The following RHOJ variants were observed in gnomAD, a reference collection of about 807,000 sequenced individuals.
RHOJ encodes rho-related GTP-binding protein RhoJ.
In RHOJ, 11 loss-of-function variants were observed where a neutral mutation model predicts 23.4. The observed-to-expected ratio is 0.47, with a 90% CI of 0.30 to 0.78. The LOEUF (loss-of-function observed/expected upper bound fraction) is 0.78. RHOJ is among the 30% of genes least tolerant of loss of function. The pLI is 0.08. For missense variants in RHOJ, 254 were observed against 273.4 expected, an observed-to-expected ratio of 0.93 and a Z score of 0.50; for synonymous variants, 102 against 102.7, an observed-to-expected ratio of 0.99 and a Z score of 0.04.
intron 1 of RHOJ, among the ~76,000 whole-genome samples, chr14:63,261,639 C>T (rs935989733): frequency 4.6e-4 from 70 of 151,190 alleles, no homozygotes; most frequent in African/African-American, 1.6e-3. Context: ...TGGGGTCTCA[C>T]TTTGTTTCCC....
Position 63,269,157 on chromosome 14 carries a change from A to G in RHOJ, c.226A>G (p.Thr76Ala), listed in dbSNP as rs754219720. Residue 76 changes from threonine (T) to alanine (A), a missense_variant, in exon 2 of 5, where the codon ACC becomes GCC. Physicochemically the swap from Thr to Ala is moderately conservative, Grantham distance 58. Transcript: ENST00000316754. ...GCAACACTTGCTCGGACTGTATGAC[A>G]CCGCGGGACAGGTACATTTTTATTA... ...GKQHLLGLYD[T>A]AGQEDYNQLR... The G allele has an allele frequency of 6.2e-7, 1 of 1,611,324 alleles. No individual in the cohort carries two copies.
At chr14:63,250,672 C>A (rs1895054405) in intron 1 of RHOJ, among the ~76,000 whole-genome samples, 1 of 152,206 alleles carries the variant, frequency 6.6e-6, no homozygotes, top group Non-Finnish European at 1.5e-5. Flanking sequence ...GCACACTCAA[C>A]TTACTGCTCA....
chr14:63,217,823 A>G (rs1894399172), intron 1 of RHOJ, among the ~76,000 whole-genome samples: 2 of 152,228 alleles, frequency 1.3e-5, no homozygotes, highest in African/African-American at 2.4e-5. Flanking sequence ...CTGCAAGTCA[A>G]TCACAAATGA....
At chr14:63,210,330 A>G (rs1236277701) in intron 1 of RHOJ, among the ~76,000 whole-genome samples, 1 of 152,196 alleles carries the variant, frequency 6.6e-6, no homozygotes, top group Non-Finnish European at 1.5e-5. Context: ...TAATGTGTAA[A>G]TATCACTTGG....
intron 4 of RHOJ, among the ~76,000 whole-genome samples, chr14:63,290,594 T>C (rs1882214109): frequency 6.6e-6 from 1 of 151,722 alleles, no homozygotes; most frequent in South Asian, 2.1e-4. Context: ...TAGGAATAAA[T>C]GGCTATGGGT....
At chr14:63,268,794 C>A (rs938572920) in intron 1 of RHOJ, among the ~76,000 whole-genome samples, 14 of 152,126 alleles carry the variant, frequency 9.2e-5, no homozygotes, top group African/African-American at 3.4e-4. Context: ...GCCCAGCATT[C>A]TTTTTCATCA....
chr14:63,287,290 T>A (rs1186373617), intron 4 of RHOJ, among the ~76,000 whole-genome samples: 2 of 152,242 alleles, frequency 1.3e-5, no homozygotes, highest in African/African-American at 4.8e-5. Context: ...CTTAGTTGTG[T>A]GGCCATAAGG....
At chr14:63,217,871 T>C (rs1894399855) in intron 1 of RHOJ, among the ~76,000 whole-genome samples, 1 of 152,232 alleles carries the variant, frequency 6.6e-6, no homozygotes, top group Admixed American at 6.5e-5. Context: ...ACAGTCACTC[T>C]TGCACTTTTT....
chr14:63,275,176 A>C (rs569825423), intron 2 of RHOJ, among the ~76,000 whole-genome samples: 9 of 152,164 alleles, frequency 5.9e-5, no homozygotes, highest in Admixed American at 3.3e-4. Context: ...TTAATTACCC[A>C]GGCGTGGTGT....
intron 1 of RHOJ, among the ~76,000 whole-genome samples, chr14:63,229,327 TG>T (rs1259501934): frequency 6.6e-6 from 1 of 152,214 alleles, no homozygotes; most frequent in Non-Finnish European, 1.5e-5. Flanking sequence ...ACAATCTTAG[TG>T]ACTTGAAACA....
chr14:63,256,278 G>A (rs551570485), intron 1 of RHOJ, among the ~76,000 whole-genome samples: 4 of 152,124 alleles, frequency 2.6e-5, no homozygotes, highest in East Asian at 1.9e-4. Context: ...ACCGGGGGCC[G>A]GCATCAGATC....
intron 1 of RHOJ, among the ~76,000 whole-genome samples, chr14:63,259,596 C>T (rs1333402772): frequency 6.6e-6 from 1 of 152,164 alleles, no homozygotes; most frequent in Non-Finnish European, 1.5e-5. Context: ...ATTCTGAGAA[C>T]ATACTTAATA....
At chr14:63,239,695 G>A (rs1012222844) in intron 1 of RHOJ, among the ~76,000 whole-genome samples, 2 of 152,200 alleles carry the variant, frequency 1.3e-5, no homozygotes, top group Admixed American at 1.3e-4. Context: ...CTGCTTCAGG[G>A]GCTAAGACAA....
At chr14:63,247,681 GT>G (rs1178665840) in intron 1 of RHOJ, among the ~76,000 whole-genome samples, 3 of 152,142 alleles carry the variant, frequency 2.0e-5, no homozygotes, top group Admixed American at 2.0e-4. Context: ...GGTAGGATCT[GT>G]TTTGCCTTCT....
rs563781833 is a variant in RHOJ, at chr14:63,281,068, A to G, written c.335A>G (p.Gln112Arg). 8 of 1,614,146 alleles carry G rather than the reference A, an allele frequency of 5.0e-6. No individual in the cohort carries two copies. The highest frequency in any genetic ancestry group is 3.3e-5 in the South Asian group (3 of 91,080). ...VVNPASYHNVQEEWVPELKDC... is the reference protein window; with the variant it reads ...VVNPASYHNVREEWVPELKDC... The stretch of plus-strand genomic sequence containing the variant: ...AACCCTGCCTCTTACCACAATGTCC[A>G]GGAGGAATGGGTCCCCGAGCTCAAG... The change falls in exon 3 of 5, where the codon CAG (glutamine) becomes CGG (arginine). Residue 112 changes from glutamine (Q) to arginine (R), a missense_variant. Physicochemically the swap from Gln to Arg is conservative, Grantham distance 43. Coordinates refer to ENST00000316754, the MANE Select transcript of RHOJ (RefSeq NM_020663.5).
intron 2 of RHOJ, among the ~76,000 whole-genome samples, chr14:63,277,529 TC>T (rs546813452): frequency 6.6e-6 from 1 of 152,078 alleles, no homozygotes; most frequent in Non-Finnish European, 1.5e-5. Flanking sequence ...GTTTAAAAGC[TC>T]CCCAGGTGAT....
At chr14:63,254,078 C>G (rs1000107560) in intron 1 of RHOJ, among the ~76,000 whole-genome samples, 2 of 152,118 alleles carry the variant, frequency 1.3e-5, no homozygotes, top group Non-Finnish European at 2.9e-5. Context: ...GCTGATCCCC[C>G]AGGACCTGAA....
In RHOJ at chr14:63,216,296, G is replaced by A. The variant is rs190498555; in HGVS notation, c.178+11249G>A. On this transcript the variant is annotated intron_variant, in intron 1 of 4. Transcript: ENST00000316754. ...GGAAAAACTTAATTACTTGAAGTATGTGCTGCATACATTTTTTCAAATAAT... is the reference window on the plus strand; with the variant it reads ...GGAAAAACTTAATTACTTGAAGTATATGCTGCATACATTTTTTCAAATAAT... Among the ~76,000 whole-genome samples the A allele has an allele frequency of 4.4e-3, 677 of 152,268 alleles. 6 individuals carry two copies. The highest frequency in any genetic ancestry group is 0.016 in the African/African-American group (647 of 41,554).
In RHOJ at chr14:63,292,893, T is replaced by C. The variant is rs2139673694; in HGVS notation, c.*1869T>C. 6.7e-6 allele frequency: 1 copy of C among 149,182 alleles called. No individual in the cohort carries two copies. The highest frequency in any genetic ancestry group is 2.1e-4 in the South Asian group (1 of 4,738). The allele number at this position is 149,182 out of a possible 1,614,324, so 9.2% of individuals were successfully genotyped here. A position where few individuals can be genotyped will look rare whatever the true frequency, so the allele number is the denominator to read the frequency against. On this transcript the variant is annotated 3_prime_UTR_variant, in exon 5 of 5. Transcript: ENST00000316754. ...TTGAGCCCAGAAGGTAAGGCTGCAG[T>C]GAGCTGTGACTGTGCCACTACACTC...
Sources: gnomAD v4.1 joint callset for allele counts (sites outside exome capture counted in the v4.1 genomes callset) on GRCh38, gnomAD v4.1.1 for gene constraint, MANE v1.5 for transcripts, NCBI Gene and HGNC (gene_info 2026-07-23, HGNC 2026-07-21) for gene names.